The following MYT1L variants were observed in gnomAD, a reference collection of about 807,000 sequenced individuals.
MYT1L encodes the protein myelin transcription factor 1 like.
A neutral mutation model predicts 126.7 loss-of-function variants in MYT1L; 12 were observed. The ratio of observed to expected loss-of-function variants is 0.09; its 90% confidence interval spans 0.06 to 0.15. The LOEUF (loss-of-function observed/expected upper bound fraction) is 0.15. Among genes scored for constraint, MYT1L ranks in the 10% least tolerant of loss-of-function variants. The pLI is 1.00. For missense variants in MYT1L, 979 were observed against 1,585.2 expected, an observed-to-expected ratio of 0.62 and a Z score of 6.49; for synonymous variants, 541 against 604.2, an observed-to-expected ratio of 0.90 and a Z score of 1.53.
intron 4 of MYT1L, among the ~76,000 whole-genome samples, chr2:2,000,151 G>T (rs867485317): frequency 6.6e-6 from 1 of 151,980 alleles, no homozygotes; most frequent in Non-Finnish European, 1.5e-5. Flanking sequence ...CTGGGCAGGA[G>T]CAGGGCAGCC....
At chr2:1,964,393 G>A (rs376357221) in intron 8 of MYT1L, among the ~76,000 whole-genome samples, 12 of 152,178 alleles carry the variant, frequency 7.9e-5, no homozygotes, top group African/African-American at 2.9e-4. Flanking sequence ...GAGTGAGCAC[G>A]TGCTGTTAGA....
At chr2:2,055,034 CCA>C (rs1319267182) in intron 3 of MYT1L, among the ~76,000 whole-genome samples, 1 of 152,064 alleles carries the variant, frequency 6.6e-6, no homozygotes, top group African/African-American at 2.4e-5. Flanking sequence ...CGTATCACAC[CCA>C]ATTAATTTCC....
At chr2:1,987,153 A>G (rs2061094632) in intron 5 of MYT1L, among the ~76,000 whole-genome samples, 1 of 152,174 alleles carries the variant, frequency 6.6e-6, no homozygotes, top group African/African-American at 2.4e-5. Flanking sequence ...GAGAAAATTC[A>G]AAGAATCAGA....
At chr2:2,210,243 T>A (rs1185073020) in intron 2 of MYT1L, among the ~76,000 whole-genome samples, 3 of 152,236 alleles carry the variant, frequency 2.0e-5, no homozygotes, top group East Asian at 1.9e-4. Context: ...GAGGCTTTTT[T>A]AACTTGATAT....
At position 1,801,814 on chromosome 2, in the gene MYT1L, A is replaced by G. The variant is rs1210545124; in HGVS notation, c.3173-15T>C. Reference sequence around the variant, plus strand: ...ATTTTCTATACCTGTAATAATGAATATTAGTATGTTAAAACTGTTATATAC... The same window carrying G: ...ATTTTCTATACCTGTAATAATGAATGTTAGTATGTTAAAACTGTTATATAC... On this transcript the variant is annotated splice_polypyrimidine_tract_variant and intron_variant, in intron 22 of 24. Coordinates refer to ENST00000647738, the MANE Select transcript of MYT1L (RefSeq NM_001303052.2). The surrounding 1 kb of genome is among the most constrained non-coding windows in gnomAD (Gnocchi z 4.2). The G allele has an allele frequency of 2.7e-6, 4 of 1,494,434 alleles. No individual in the cohort carries two copies. The allele number at this position is 1,494,434 out of a possible 1,614,324, so 92.6% of individuals were successfully genotyped here. A position where few individuals can be genotyped will look rare whatever the true frequency, so the allele number is the denominator to read the frequency against.
intron 1 of MYT1L, among the ~76,000 whole-genome samples, chr2:2,285,423 G>A (rs1264394166): frequency 6.6e-6 from 1 of 152,140 alleles, no homozygotes; most frequent in African/African-American, 2.4e-5. Flanking sequence ...GGAAAACTAG[G>A]GTGGTGGAAG....
chr2:2,282,328 A>C (rs1345823468), intron 2 of MYT1L, among the ~76,000 whole-genome samples: 2 of 152,250 alleles, frequency 1.3e-5, no homozygotes, highest in Non-Finnish European at 2.9e-5. Flanking sequence ...TTTAGAAGAT[A>C]TTTTGAAATA....
At chr2:2,145,708 T>G (rs2148234043) in intron 3 of MYT1L, among the ~76,000 whole-genome samples, 1 of 152,078 alleles carries the variant, frequency 6.6e-6, no homozygotes, top group South Asian at 2.1e-4. Flanking sequence ...AAAAGATACC[T>G]GTAATGGTGG....
At chr2:2,242,373 G>C (rs1236594271) in intron 2 of MYT1L, among the ~76,000 whole-genome samples, 1 of 152,162 alleles carries the variant, frequency 6.6e-6, no homozygotes, top group Non-Finnish European at 1.5e-5. Context: ...GCGCATTCCA[G>C]GGGCTTAGTA....
chr2:2,251,940 GA>G (rs35952095), intron 2 of MYT1L, among the ~76,000 whole-genome samples: 10 of 151,254 alleles, frequency 6.6e-5, no homozygotes, highest in South Asian at 2.1e-4. Flanking sequence ...GAAAAGAAAA[GA>G]AAAAAAGGGA....
At chr2:2,161,375 C>T (rs1477747647) in intron 3 of MYT1L, among the ~76,000 whole-genome samples, 2 of 152,160 alleles carry the variant, frequency 1.3e-5, no homozygotes, top group Non-Finnish European at 2.9e-5. Flanking sequence ...GGAATTTATG[C>T]TAAATTATTT....
chr2:1,813,770 G>A (rs1202520173), intron 21 of MYT1L, among the ~76,000 whole-genome samples: 1 of 151,308 alleles, frequency 6.6e-6, no homozygotes, highest in Non-Finnish European at 1.5e-5. Flanking sequence ...GCTCACGCCT[G>A]TAATCCCAGC....
intron 2 of MYT1L, among the ~76,000 whole-genome samples, chr2:2,253,434 G>A (rs184407407): frequency 6.6e-6 from 1 of 152,358 alleles, no homozygotes; most frequent in East Asian, 1.9e-4. Flanking sequence ...GGAAATCTCA[G>A]TAATGGCGTG....
chr2:2,262,915 A>ATATATATATATATATATATAT (rs2095013544), intron 2 of MYT1L, among the ~76,000 whole-genome samples: 1 of 62,490 alleles, frequency 1.6e-5, no homozygotes, highest in Non-Finnish European at 3.1e-5. Context: ...GAGAGGCACA[A>ATATATATATATATATATATAT]ATATATATAT....
chr2:1,885,603 A>AT, intron 18 of MYT1L: 1 of 152,748 alleles, frequency 6.5e-6, no homozygotes, highest in African/African-American at 2.4e-5. Context: ...TGGGAAAGAG[A>AT]TCAAATGTGG....
chr2:1,840,811 C>A lies in MYT1L; in HGVS notation c.2807G>T (p.Gly936Val). The change falls in exon 20 of 25, where the codon GGT (glycine) becomes GTT (valine). Residue 936 changes from glycine to valine, a missense_variant. By Grantham distance (109) the Gly-to-Val change is moderately radical. Coordinates refer to ENST00000647738, the MANE Select transcript of MYT1L (RefSeq NM_001303052.2). ...TTCTTTGCTCTGTGCTATCCTGATA[C>A]CACTTTTCTTTGCTCTTGGGCAACC... ...LSGCPRAKKSGIRIAQSKEDK... is the reference protein window; with the variant it reads ...LSGCPRAKKSVIRIAQSKEDK... 6.4e-7 allele frequency: 1 copy of A among 1,551,082 alleles called. No individual in the cohort carries two copies.
rs140482245 is a variant in MYT1L, at chr2:2,267,097, G to A, written c.-421+17307C>T. Among the ~76,000 whole-genome samples, 35 of 152,318 alleles carry A rather than the reference G, an allele frequency of 2.3e-4. No individual in the cohort carries two copies. The East Asian group carries it at 3.1e-3, about 13-fold the overall frequency. The stretch of plus-strand genomic sequence containing the variant: ...AGGTGGGGAAACTGAGCCAGGAGGC[G>A]AATAGAAAGTGTGCAGATGCTGTAG... On this transcript the variant is annotated intron_variant, in intron 2 of 24. Coordinates refer to ENST00000647738, the MANE Select transcript of MYT1L (RefSeq NM_001303052.2).
chr2:2,246,006 T>C (rs2094527780), intron 2 of MYT1L, among the ~76,000 whole-genome samples: 1 of 152,208 alleles, frequency 6.6e-6, no homozygotes, highest in Non-Finnish European at 1.5e-5. Flanking sequence ...AGACCCATTT[T>C]AAACTTCTGC....
At chr2:2,196,137 T>A (rs57612148) in intron 2 of MYT1L, among the ~76,000 whole-genome samples, 3 of 141,008 alleles carry the variant, frequency 2.1e-5, no homozygotes, top group Admixed American at 6.9e-5. Context: ...CAGGAAAAAA[T>A]TTTTTAAATG....
Sources: allele counts gnomAD v4.1 joint callset (sites outside exome capture counted in the v4.1 genomes callset), GRCh38; gene constraint gnomAD v4.1.1; non-coding constraint Gnocchi (gnomAD v3.1); transcripts MANE v1.5; gene names NCBI Gene and HGNC (gene_info 2026-07-23, HGNC 2026-07-21).